Variants in FGD4 observed in about 807,000 individuals in gnomAD.
FGD4 encodes the protein FYVE, RhoGEF and PH domain-containing protein 4.
In FGD4, 42 loss-of-function variants were observed where a neutral mutation model predicts 102.0. That is an observed-to-expected ratio of 0.41 (90% CI 0.32 to 0.53). The LOEUF is 0.53. FGD4 is among the 20% of genes least tolerant of loss of function. The pLI, the probability that FGD4 is intolerant of heterozygous loss-of-function variation, is 0.21. For synonymous variants in FGD4, 380 were observed against 375.7 expected (o/e 1.01, Z -0.13); for missense variants, 902 against 1,078.2 (o/e 0.84, Z 2.29).
In FGD4 at chr12:32,426,230, C is replaced by G. The variant is rs527395150; in HGVS notation, c.166+26271C>G. Among the ~76,000 whole-genome samples, 4 of 152,146 alleles carry G rather than the reference C, an allele frequency of 2.6e-5. 1 individual carries two copies. In the South Asian group the frequency reaches 8.3e-4, roughly 32 times the overall value. The stretch of plus-strand genomic sequence containing the variant: ...ATAAACAGCTCTTATTATTTTGAGA[C>G]ACATTCCATCAATACCTAGTTTATT... On this transcript the variant is annotated intron_variant, in intron 1 of 16. Transcript: ENST00000534526.
chr12:32,466,867 C>CAAA (rs35375727), intron 1 of FGD4, among the ~76,000 whole-genome samples: 17 of 62,766 alleles, frequency 2.7e-4, no homozygotes, highest in African/African-American at 8.5e-4. Context: ...GAGTCTGTCT[C>CAAA]AAAAAAAAAA....
At chr12:32,477,796 C>A (rs575754839) in intron 1 of FGD4, among the ~76,000 whole-genome samples, 16 of 152,246 alleles carry the variant, frequency 1.1e-4, no homozygotes, top group Admixed American at 9.8e-4. Context: ...TTGTGGTAAA[C>A]CAAAGAAGGA....
rs1252872251 is a variant in FGD4 at position 32,416,918 on chromosome 12, A to G, written c.166+16959A>G. Reference sequence around the variant, plus strand: ...TTCTTTTTCTTTTTTTTTTTTTGAGATGGAGTCTTGCTCTGTCACCCAGGT... The same window carrying G: ...TTCTTTTTCTTTTTTTTTTTTTGAGGTGGAGTCTTGCTCTGTCACCCAGGT... On this transcript the variant is annotated intron_variant, in intron 1 of 16. Transcript: ENST00000534526. 4.1e-5 allele frequency among the ~76,000 whole-genome samples: 6 copies of G among 145,224 alleles called. No homozygotes were observed. In the East Asian group the frequency reaches 1.2e-3, roughly 29 times the overall value.
At chr12:32,563,406 G>C (rs1356601878) in intron 1 of FGD4, among the ~76,000 whole-genome samples, 1 of 150,986 alleles carries the variant, frequency 6.6e-6, no homozygotes, top group Admixed American at 6.6e-5. Context: ...GACGATGGGC[G>C]GCCGGGCAGA....
At chr12:32,486,038 T>C (rs1002892956) in intron 1 of FGD4, 1 of 1,483,562 alleles carries the variant, frequency 6.7e-7, no homozygotes, top group African/African-American at 1.4e-5. Context: ...AGAATGCCTA[T>C]AGTTTCTACC....
chr12:32,598,376 C>T (rs1383501972), intron 4 of FGD4, 121 bp from the exon 5 acceptor site: 3 of 673,488 alleles, frequency 4.5e-6, no homozygotes, highest in African/African-American at 3.6e-5. Context: ...GCTGAAAGAA[C>T]CGAGTAACTG....
intron 1 of FGD4, among the ~76,000 whole-genome samples, chr12:32,473,569 A>C (rs1943495272): frequency 6.6e-6 from 1 of 151,808 alleles, no homozygotes; most frequent in Non-Finnish European, 1.5e-5. Context: ...CAGACGCGCC[A>C]CCTTAAGAGC....
At chr12:32,447,585 T>C (rs1232465889) in intron 1 of FGD4, among the ~76,000 whole-genome samples, 4 of 152,198 alleles carry the variant, frequency 2.6e-5, no homozygotes. Context: ...TTGTAATATA[T>C]GAGATAACCT....
At chr12:32,409,265 TCCCC>T (rs139627338) in intron 1 of FGD4, among the ~76,000 whole-genome samples, 1 of 150,464 alleles carries the variant, frequency 6.6e-6, no homozygotes, top group African/African-American at 2.5e-5. Flanking sequence ...AACTCTTTCC[TCCCC>T]CCAGTAATTT....
chr12:32,432,386 C>T (rs76724533), intron 1 of FGD4, among the ~76,000 whole-genome samples: 50,368 of 150,648 alleles, frequency 0.33, 9,343 homozygotes, highest in African/African-American at 0.48. Flanking sequence ...GACGCCGAGG[C>T]GGGTGGATCA....
intron 1 of FGD4, among the ~76,000 whole-genome samples, chr12:32,473,878 G>C (rs1356856104): frequency 6.6e-6 from 1 of 151,980 alleles, no homozygotes; most frequent in Admixed American, 6.6e-5. Flanking sequence ...ACGAGGTCAG[G>C]AGATCGAGAC....
At chr12:32,457,244 A>AT (rs147528327) in intron 1 of FGD4, among the ~76,000 whole-genome samples, 35,272 of 150,986 alleles carry the variant, frequency 0.23, 4,944 homozygotes, top group Non-Finnish European at 0.31. Flanking sequence ...ATTGTTTATA[A>AT]TTTTTTTTTT....
intron 7 of FGD4, among the ~76,000 whole-genome samples, chr12:32,603,946 A>G (rs1948604464): frequency 6.6e-6 from 1 of 152,164 alleles, no homozygotes; most frequent in Non-Finnish European, 1.5e-5. Context: ...TCAGCCTCCC[A>G]GAGTGCTGGG....
chr12:32,403,265 A>G (rs1017111183), intron 1 of FGD4, among the ~76,000 whole-genome samples: 1 of 152,170 alleles, frequency 6.6e-6, no homozygotes, highest in African/African-American at 2.4e-5. Flanking sequence ...TACCAACTGC[A>G]TCCTTTGTGT....
intron 1 of FGD4, among the ~76,000 whole-genome samples, chr12:32,410,595 T>TGGGGGGGG (rs1354692629): frequency 6.6e-6 from 1 of 152,254 alleles, no homozygotes; most frequent in African/African-American, 2.4e-5. Flanking sequence ...GCAAGTGTTC[T>TGGGGGGGG]GGGAGCCCAC....
At position 32,561,070 on chromosome 12, in the gene FGD4, GTTTTGT is replaced by G. The variant is rs1221947317; in HGVS notation, c.167-3062_167-3057del. On this transcript the variant is annotated intron_variant, in intron 1 of 16. Coordinates refer to ENST00000534526, the MANE Select transcript of FGD4 (RefSeq NM_001370298.3). ...AGCAGAAATGTGGTTTCTTTGTTGG[GTTTTGT>G]TTTTTTTTTTTTTTTTTTTTTTTTT... Among the ~76,000 whole-genome samples, 605 of 90,708 alleles carry G rather than the reference GTTTTGT, an allele frequency of 6.7e-3. 73 individuals are homozygous for G. Among genetic ancestry groups the G allele is most frequent in the South Asian group, 0.048 (116 of 2,434 alleles). The allele number at this position is 90,708 out of a possible 152,430, so 59.5% of individuals were successfully genotyped here.
chr12:32,581,559 A>G (rs1235633189), intron 3 of FGD4, among the ~76,000 whole-genome samples: 5 of 152,248 alleles, frequency 3.3e-5, no homozygotes, highest in African/African-American at 4.8e-5. Context: ...AGAAACATCA[A>G]TAAGTAAAAA....
chr12:32,560,640 C>T (rs908697313), intron 1 of FGD4, among the ~76,000 whole-genome samples: 23 of 152,088 alleles, frequency 1.5e-4, no homozygotes, highest in Admixed American at 1.4e-3. Context: ...TGCTTAATCT[C>T]GCTGATAAAC....
At position 32,565,364 on chromosome 12, in the gene FGD4, C is replaced by T. The variant is rs1227380538; in HGVS notation, c.319+1075C>T. ...TGATGATTCAGATGAGTAGCCTATT[C>T]ATGAGCTTACAACCATTTCTTTTGA... is the stretch of plus-strand genomic sequence containing the variant. On this transcript the variant is annotated intron_variant, in intron 2 of 16. Coordinates refer to ENST00000534526, the MANE Select transcript of FGD4 (RefSeq NM_001370298.3). Among the ~76,000 whole-genome samples, 5 of 152,208 alleles carry T rather than the reference C, an allele frequency of 3.3e-5. No individual in the cohort carries two copies. The East Asian group carries it at 9.6e-4, about 29-fold the overall frequency.
Sources: gnomAD v4.1 joint callset for allele counts (sites outside exome capture counted in the v4.1 genomes callset) on GRCh38, gnomAD v4.1.1 for gene constraint, MANE v1.5 for transcripts, NCBI Gene and HGNC (gene_info 2026-07-23, HGNC 2026-07-21) for gene names.